CENPP: variants seen among roughly 807,000 people sequenced by gnomAD.
The protein encoded by CENPP is centromere protein P.
A neutral mutation model predicts 35.6 loss-of-function variants in CENPP; 24 were observed. That is an observed-to-expected ratio of 0.67 (90% CI 0.49 to 0.95). The LOEUF (loss-of-function observed/expected upper bound fraction) is 0.95. CENPP is among the 40% of genes least tolerant of loss of function. CENPP has a pLI of 0.00. For missense variants in CENPP, 332 were observed against 345.3 expected, an observed-to-expected ratio of 0.96 and a Z score of 0.31; for synonymous variants, 120 against 125.5, an observed-to-expected ratio of 0.96 and a Z score of 0.29.
chr9:92,509,053 A>T (rs1387633646), intron 5 of CENPP, among the ~76,000 whole-genome samples: 1 of 151,806 alleles, frequency 6.6e-6, no homozygotes, highest in African/African-American at 2.4e-5. Flanking sequence ...TTCTATACAG[A>T]GTCACAATAT....
chr9:92,442,591 T>G (rs1458870901), intron 5 of CENPP, among the ~76,000 whole-genome samples: 1 of 152,064 alleles, frequency 6.6e-6, no homozygotes, highest in African/African-American at 2.4e-5. Flanking sequence ...GGCTCACGCC[T>G]GTAATCCTAG....
At chr9:92,390,274 T>C (rs1273972413) in intron 5 of CENPP, among the ~76,000 whole-genome samples, 1 of 152,178 alleles carries the variant, frequency 6.6e-6, no homozygotes, top group Non-Finnish European at 1.5e-5. Flanking sequence ...TCCTAGAATC[T>C]CAGGTTTGAA....
chr9:92,415,590 A>G, intron 5 of CENPP: 1 of 459,688 alleles, frequency 2.2e-6, no homozygotes, highest in East Asian at 3.7e-5. Flanking sequence ...TAATTAAAAT[A>G]TTTATAAATT....
At chr9:92,382,752 A>G (rs988613659) in intron 5 of CENPP, among the ~76,000 whole-genome samples, 10 of 152,234 alleles carry the variant, frequency 6.6e-5, no homozygotes, top group Admixed American at 5.9e-4. Context: ...ATTGTTGAAG[A>G]GACTGGCGTT....
chr9:92,493,983 G>T, intron 5 of CENPP: 1 of 1,165,520 alleles, frequency 8.6e-7, no homozygotes, highest in East Asian at 2.4e-5. Context: ...GTCTCCTGGC[G>T]GCCCTCAGGC....
At chr9:92,406,988 C>T (rs1206488098) in intron 5 of CENPP, among the ~76,000 whole-genome samples, 3 of 152,138 alleles carry the variant, frequency 2.0e-5, no homozygotes, top group Admixed American at 1.3e-4. Flanking sequence ...GACCATTATA[C>T]TCATGATTAT....
At chr9:92,466,109 A>C (rs1313208751) in intron 5 of CENPP, among the ~76,000 whole-genome samples, 1 of 152,142 alleles carries the variant, frequency 6.6e-6, no homozygotes, top group Non-Finnish European at 1.5e-5. Context: ...TTGGGATTAC[A>C]AGCGTGAGCC....
rs1554763253 is a variant in CENPP, at chr9:92,440,383, A to AAATC, written c.564+60526_564+60529dup. On this transcript the variant is annotated intron_variant, in intron 5 of 7. Coordinates refer to ENST00000375587, the MANE Select transcript of CENPP (RefSeq NM_001012267.3). ...TAAATAAATAAATAAATAAATAAAT[A>AAATC]AATCACAAGAAAACTCATCATGTTT... Among the ~76,000 whole-genome samples the AAATC allele has an allele frequency of 2.1e-3, 326 of 151,890 alleles. 2 individuals are homozygous for AAATC. The highest frequency in any genetic ancestry group is 4.6e-3 in the Admixed American group (70 of 15,248).
intron 5 of CENPP, among the ~76,000 whole-genome samples, chr9:92,523,598 G>A (rs974725496): frequency 2.0e-5 from 3 of 152,236 alleles, no homozygotes; most frequent in African/African-American, 7.2e-5. Flanking sequence ...AGAAGCAGAT[G>A]TTTAGGGCGA....
intron 3 of CENPP, among the ~76,000 whole-genome samples, chr9:92,339,365 C>G (rs1035217189): frequency 1.3e-5 from 2 of 152,178 alleles, no homozygotes; most frequent in African/African-American, 4.8e-5. Flanking sequence ...CACTCCCTAA[C>G]TAGTCCCAAG....
intron 4 of CENPP, among the ~76,000 whole-genome samples, chr9:92,360,998 C>T (rs1841733062): frequency 6.6e-6 from 1 of 152,056 alleles, no homozygotes; most frequent in Middle Eastern, 3.4e-3. Flanking sequence ...TGAGCCCCCG[C>T]CCCCGGCCAT....
chr9:92,408,533 C>T (rs556747792), intron 5 of CENPP, among the ~76,000 whole-genome samples: 1 of 152,236 alleles, frequency 6.6e-6, no homozygotes, highest in East Asian at 1.9e-4. Flanking sequence ...TTGGCAAGTT[C>T]TTTAACGTTT....
chr9:92,608,026 C>T (rs138216230), intron 5 of CENPP, among the ~76,000 whole-genome samples: 21 of 152,310 alleles, frequency 1.4e-4, no homozygotes, highest in Admixed American at 1.2e-3. Context: ...CTGTGGAAGG[C>T]GGGGGCTCCA....
chr9:92,353,047 A>C (rs1588052900), intron 4 of CENPP, among the ~76,000 whole-genome samples: 1 of 152,316 alleles, frequency 6.6e-6, no homozygotes, highest in East Asian at 1.9e-4. Context: ...ATAAAACCAG[A>C]AACTCACCAA....
intron 5 of CENPP, chr9:92,457,140 CT>C: frequency 7.1e-7 from 1 of 1,405,504 alleles, no homozygotes; most frequent in Non-Finnish European, 9.2e-7. Flanking sequence ...GTTGAAATTT[CT>C]TGTCATAAAA....
intron 5 of CENPP, among the ~76,000 whole-genome samples, chr9:92,608,849 C>T (rs1000605465): frequency 2.0e-5 from 3 of 152,186 alleles, no homozygotes; most frequent in Non-Finnish European, 4.4e-5. Flanking sequence ...TAATTTAAAC[C>T]CCTTTTTGCT....
chr9:92,474,095 A>T (rs189963773), intron 5 of CENPP, among the ~76,000 whole-genome samples: 1 of 152,388 alleles, frequency 6.6e-6, no homozygotes, highest in African/African-American at 2.4e-5. Context: ...AAAGAAATAA[A>T]ATACTCAGCA....
At chr9:92,341,853 T>A (rs1350472105) in intron 3 of CENPP, among the ~76,000 whole-genome samples, 1 of 152,254 alleles carries the variant, frequency 6.6e-6, no homozygotes, top group Non-Finnish European at 1.5e-5. Flanking sequence ...CTCATCCTCA[T>A]GTCATGAAAG....
chr9:92,546,613 C>T (rs10992365), intron 5 of CENPP, among the ~76,000 whole-genome samples: 65,094 of 151,826 alleles, frequency 0.43, 16,546 homozygotes, highest in African/African-American at 0.71. Flanking sequence ...TCCGAACACA[C>T]TGGAACACCA....
Sources: gnomAD v4.1 joint callset for allele counts (sites outside exome capture counted in the v4.1 genomes callset) on GRCh38, gnomAD v4.1.1 for gene constraint, MANE v1.5 for transcripts, NCBI Gene and HGNC (gene_info 2026-07-23, HGNC 2026-07-21) for gene names.